Variants in RPTOR observed in about 807,000 individuals in gnomAD.
The protein encoded by RPTOR is regulatory-associated protein of mTOR.
RPTOR carries 21 observed loss-of-function variants against 169.9 expected under a neutral mutation model. The observed-to-expected ratio is 0.12, with a 90% CI of 0.09 to 0.18. RPTOR has a LOEUF of 0.18. Among genes scored for constraint, RPTOR ranks in the 10% least tolerant of loss-of-function variants. RPTOR has a pLI of 1.00. For synonymous variants in RPTOR, 732 were observed against 753.2 expected (o/e 0.97, Z 0.46); for missense variants, 1,133 against 1,855.9 (o/e 0.61, Z 7.16).
At chr17:80,713,445 C>T (rs1037636701) in intron 4 of RPTOR, among the ~76,000 whole-genome samples, 12 of 152,118 alleles carry the variant, frequency 7.9e-5, no homozygotes, top group East Asian at 3.8e-4. Flanking sequence ...CGCTTTTTGA[C>T]GAGTTTGGAC....
chr17:80,579,565 C>T (rs935071284), intron 1 of RPTOR, among the ~76,000 whole-genome samples: 1 of 152,212 alleles, frequency 6.6e-6, no homozygotes, highest in African/African-American at 2.4e-5. Flanking sequence ...GAGAAGCCCA[C>T]GTCACGATGG....
intron 3 of RPTOR, among the ~76,000 whole-genome samples, chr17:80,679,301 G>A (rs1452467712): frequency 6.6e-6 from 1 of 152,206 alleles, no homozygotes; most frequent in Non-Finnish European, 1.5e-5. Flanking sequence ...AGAAAGGCAG[G>A]TCTTTTGTGA....
rs970059386 is a variant in RPTOR at position 80,633,315 on chromosome 17, G to A, written c.265+7522G>A. ...GTGGACGTGTGACTGCCACGTAAGCGTCCGCTGCATGCAGGTTTGCCAGTG... is the reference window on the plus strand; with the variant it reads ...GTGGACGTGTGACTGCCACGTAAGCATCCGCTGCATGCAGGTTTGCCAGTG... On this transcript the variant is annotated intron_variant, in intron 2 of 33. Transcript: ENST00000306801. This position sits in a 1 kb window ranked among gnomAD's most constrained non-coding sequence, Gnocchi z 4.1. 2.6e-5 allele frequency among the ~76,000 whole-genome samples: 4 copies of A among 152,172 alleles called. No individual in the cohort carries two copies. The highest frequency in any genetic ancestry group is 1.9e-4 in the East Asian group (1 of 5,196).
chr17:80,700,714 G>A (rs2066087749), intron 3 of RPTOR, among the ~76,000 whole-genome samples: 1 of 36,914 alleles, frequency 2.7e-5, no homozygotes, highest in Non-Finnish European at 6.5e-5. Context: ...TGGTGATGGT[G>A]GTGGTGGTGG....
In RPTOR at chr17:80,628,522, C is replaced by T. The variant is rs149661087; in HGVS notation, c.265+2729C>T. The stretch of plus-strand genomic sequence containing the variant: ...AAGTCTGCTGTAATTCTTTGTTTCT[C>T]TGTATATTTTGCTTCATTTTTCTCT... On this transcript the variant is annotated intron_variant, in intron 2 of 33. Transcript: ENST00000306801. 3.3e-5 allele frequency among the ~76,000 whole-genome samples: 5 copies of T among 152,266 alleles called. No individual in the cohort carries two copies. In the East Asian group the frequency reaches 9.6e-4, roughly 29 times the overall value.
intron 1 of RPTOR, among the ~76,000 whole-genome samples, chr17:80,587,063 G>T (rs1157203360): frequency 6.6e-6 from 1 of 152,268 alleles, no homozygotes; most frequent in East Asian, 1.9e-4. Context: ...GCGCAGCCAA[G>T]TATGCGGTGG....
rs1357100577 is a variant in RPTOR, at chr17:80,685,563, T to G, written c.349-22278T>G. Among the ~76,000 whole-genome samples the G allele has an allele frequency of 2.1e-5, 3 of 142,026 alleles. No homozygotes were observed. The East Asian group carries it at 6.2e-4, about 29-fold the overall frequency. 93.2% of individuals were successfully genotyped at this position (142,026 alleles called of 152,430 possible). On this transcript the variant is annotated intron_variant, in intron 3 of 33. Coordinates refer to ENST00000306801, the MANE Select transcript of RPTOR (RefSeq NM_020761.3). Reference sequence around the variant, plus strand: ...TGCTGGGATTACAGGTATGACCCACTGTGCCTGGCTAATATTTTTGTATAT... The same window carrying G: ...TGCTGGGATTACAGGTATGACCCACGGTGCCTGGCTAATATTTTTGTATAT...
At chr17:80,874,545 G>C (rs371452670) in intron 13 of RPTOR, among the ~76,000 whole-genome samples, 2 of 152,160 alleles carry the variant, frequency 1.3e-5, no homozygotes, top group African/African-American at 4.8e-5. Context: ...GCCTCACTTG[G>C]CGAGTGGGGA....
chr17:80,661,913 A>C (rs2065727451), intron 3 of RPTOR, among the ~76,000 whole-genome samples: 1 of 152,178 alleles, frequency 6.6e-6, no homozygotes, highest in Admixed American at 6.5e-5. Flanking sequence ...ATTCAGTCAA[A>C]ACAACAGATT....
At chr17:80,702,250 G>C (rs759989391) in intron 3 of RPTOR, among the ~76,000 whole-genome samples, 2 of 151,712 alleles carry the variant, frequency 1.3e-5, no homozygotes, top group African/African-American at 4.8e-5. Flanking sequence ...TTTTTGTTTT[G>C]TTTTCTTTTC....
chr17:80,723,977 C>A (rs1477273016), intron 4 of RPTOR, among the ~76,000 whole-genome samples: 3 of 151,314 alleles, frequency 2.0e-5, no homozygotes, highest in Non-Finnish European at 1.5e-5. Flanking sequence ...GAAGAAAGAA[C>A]AAGGCTAAGC....
At chr17:80,627,127 TCTC>T (rs1171561387) in intron 2 of RPTOR, among the ~76,000 whole-genome samples, 9 of 152,166 alleles carry the variant, frequency 5.9e-5, no homozygotes, top group Non-Finnish European at 1.2e-4. Context: ...AGAATTTCAT[TCTC>T]CTGCCGCAGC....
At chr17:80,773,634 T>G (rs7211443) in intron 6 of RPTOR, among the ~76,000 whole-genome samples, 3 of 151,960 alleles carry the variant, frequency 2.0e-5, no homozygotes, top group African/African-American at 7.3e-5. Flanking sequence ...GTCTGTTTGT[T>G]TACAAGGCAG....
In RPTOR at chr17:80,730,813, G is replaced by A. The variant is rs969251577; in HGVS notation, c.654+107G>A. 8.8e-7 allele frequency: 1 copy of A among 1,135,508 alleles called. No homozygotes were observed. The highest frequency in any genetic ancestry group is 1.3e-6 in the Non-Finnish European group (1 of 787,764). The allele number at this position is 1,135,508 out of a possible 1,614,324, so 70.3% of individuals were successfully genotyped here. ...AGGTGTTGGACATCCTCTGAATGGA[G>A]CAGGGCTCAGAATGCCAAGGGCAGG... On this transcript the variant is annotated intron_variant, in intron 5 of 33. Transcript: ENST00000306801. This position sits in a 1 kb window ranked among gnomAD's most constrained non-coding sequence, Gnocchi z 4.2.
intron 6 of RPTOR, among the ~76,000 whole-genome samples, chr17:80,768,852 G>C (rs148583218): frequency 6.6e-6 from 1 of 152,226 alleles, no homozygotes; most frequent in East Asian, 1.9e-4. Flanking sequence ...TATTTAATCA[G>C]TGACGTTAGG....
At chr17:80,829,328 G>A (rs1012805515) in intron 9 of RPTOR, among the ~76,000 whole-genome samples, 4 of 152,324 alleles carry the variant, frequency 2.6e-5, no homozygotes, top group East Asian at 3.9e-4. Flanking sequence ...AGGAGGGCGC[G>A]GGCATGGGTA....
intron 13 of RPTOR, among the ~76,000 whole-genome samples, chr17:80,864,336 CT>C (rs2067959456): frequency 4.1e-5 from 6 of 148,000 alleles, no homozygotes; most frequent in South Asian, 2.2e-4. Context: ...CGGCAGGTTT[CT>C]TCTTACAGAT....
chr17:80,799,000 A>G (rs1355966082), intron 7 of RPTOR, among the ~76,000 whole-genome samples: 1 of 152,108 alleles, frequency 6.6e-6, no homozygotes, highest in Non-Finnish European at 1.5e-5. Flanking sequence ...TCACGTTCAC[A>G]TCTGTGCCGG....
chr17:80,964,061 G>A (rs577728380), intron 33 of RPTOR, among the ~76,000 whole-genome samples: 180 of 152,266 alleles, frequency 1.2e-3, no homozygotes, highest in African/African-American at 3.8e-3. Context: ...GCAGCGCCAC[G>A]CCCCTCACGG....
Sources: allele counts gnomAD v4.1 joint callset (sites outside exome capture counted in the v4.1 genomes callset), GRCh38; gene constraint gnomAD v4.1.1; non-coding constraint Gnocchi (gnomAD v3.1); transcripts MANE v1.5; gene names NCBI Gene and HGNC (gene_info 2026-07-23, HGNC 2026-07-21).